The following LTAP1 variants were observed in gnomAD, a reference collection of about 807,000 sequenced individuals.
The protein encoded by LTAP1 is lipid transport auxiliary protein 1, also known as HCV NS5A-transactivated protein 4.
At chr1:154,207,726 G>T in the LTAP1 span, 1 of 1,181,012 alleles carries the variant, frequency 8.5e-7, no homozygotes, top group Non-Finnish European at 1.2e-6. Context: ...GGCCATAAAT[G>T]CAGCAATAGT....
chr1:154,215,295 T>C, the LTAP1 span, among the ~76,000 whole-genome samples: 3 of 151,818 alleles, frequency 2.0e-5, no homozygotes, highest in South Asian at 6.3e-4. Context: ...GGCCGGGTGC[T>C]GTGGCTCACG....
At chr1:154,209,210 G>A in the LTAP1 span, among the ~76,000 whole-genome samples, 1 of 151,788 alleles carries the variant, frequency 6.6e-6, no homozygotes, top group African/African-American at 2.4e-5. Flanking sequence ...TATACCCAGT[G>A]AACAACTCCC....
the LTAP1 span, among the ~76,000 whole-genome samples, chr1:154,215,330 GC>G: frequency 6.6e-6 from 1 of 152,100 alleles, no homozygotes; most frequent in Non-Finnish European, 1.5e-5. Flanking sequence ...ACTTTGGGAG[GC>G]CGAGGTGGGT....
the LTAP1 span, chr1:154,219,959 TC>T: frequency 6.5e-7 from 1 of 1,544,102 alleles, no homozygotes; most frequent in African/African-American, 1.4e-5. Context: ...GATGTAAAAA[TC>T]CTTTAATAAA....
At chr1:154,210,587 C>T in the LTAP1 span, among the ~76,000 whole-genome samples, 2 of 151,910 alleles carry the variant, frequency 1.3e-5, no homozygotes, top group East Asian at 3.9e-4. Context: ...AAGCGATTCT[C>T]CTGCCTCACC....
At chr1:154,210,032 G>A in the LTAP1 span, among the ~76,000 whole-genome samples, 1 of 151,790 alleles carries the variant, frequency 6.6e-6, no homozygotes, top group Non-Finnish European at 1.5e-5. Context: ...GGCCTTCTAA[G>A]CAGTTTTTAC....
chr1:154,220,080 GT>G, the LTAP1 span: 2 of 776,816 alleles, frequency 2.6e-6, no homozygotes, highest in Non-Finnish European at 4.1e-6. Context: ...AAGCAAGGCC[GT>G]TATGATGGGG....
chr1:154,212,512 T>C, the LTAP1 span: 59 of 1,614,032 alleles, frequency 3.7e-5, no homozygotes, highest in Non-Finnish European at 4.8e-5. Flanking sequence ...CAATGAGTGC[T>C]TTGCGTACAC....
At chr1:154,217,036 G>A in the LTAP1 span, among the ~76,000 whole-genome samples, 2 of 149,808 alleles carry the variant, frequency 1.3e-5, no homozygotes, top group African/African-American at 4.9e-5. Context: ...TGCAACCTCC[G>A]CCGGGGCTCA....
At chr1:154,215,256 T>G in the LTAP1 span, among the ~76,000 whole-genome samples, 5 of 152,012 alleles carry the variant, frequency 3.3e-5, no homozygotes, top group African/African-American at 9.7e-5. Context: ...GTCAAATTCA[T>G]GGTATACAAA....
At chr1:154,207,572 A>C in the LTAP1 span, 1 of 1,614,072 alleles carries the variant, frequency 6.2e-7, no homozygotes, top group Non-Finnish European at 8.5e-7. Context: ...GTTGTTGGGG[A>C]GACCTCAGGG....
the LTAP1 span, chr1:154,212,534 G>A: frequency 1.4e-5 from 22 of 1,614,036 alleles, no homozygotes; most frequent in Admixed American, 3.3e-5. Context: ...CTTGAAAGGC[G>A]TACTAGTGTT....
the LTAP1 span, among the ~76,000 whole-genome samples, chr1:154,215,563 CAAA>C: frequency 2.7e-5 from 3 of 111,528 alleles, no homozygotes; most frequent in Admixed American, 9.3e-5. Context: ...GAGACGTCTC[CAAA>C]AAAAAAAAAA....
At chr1:154,219,559 G>A in the LTAP1 span, among the ~76,000 whole-genome samples, 1 of 152,154 alleles carries the variant, frequency 6.6e-6, no homozygotes, top group Non-Finnish European at 1.5e-5. Context: ...GATGAGCTGG[G>A]AAATATTTTA....
the LTAP1 span, among the ~76,000 whole-genome samples, chr1:154,211,191 G>A: frequency 6.7e-6 from 1 of 148,312 alleles, no homozygotes; most frequent in Non-Finnish European, 1.5e-5. Context: ...TTTCAGTAAA[G>A]ACGAGGTTTC....
At chr1:154,211,780 G>GACAAGAAAAATGCAC in the LTAP1 span, 1 of 154,426 alleles carries the variant, frequency 6.5e-6, no homozygotes. Flanking sequence ...CTAAACAAAA[G>GACAAGAAAAATGCAC]ACAAGAAAAA....
the LTAP1 span, chr1:154,212,476 T>C: frequency 4.3e-6 from 7 of 1,614,184 alleles, no homozygotes; most frequent in Non-Finnish European, 5.9e-6. Context: ...CATAGCGGGC[T>C]GTTTCATAGC....
the LTAP1 span, chr1:154,207,670 T>C: frequency 4.5e-6 from 7 of 1,567,204 alleles, no homozygotes; most frequent in Non-Finnish European, 6.0e-6. Context: ...AGAGGGGAGG[T>C]CATTGACAGA....
the LTAP1 span, among the ~76,000 whole-genome samples, chr1:154,211,062 A>T: frequency 2.6e-5 from 4 of 151,566 alleles, no homozygotes; most frequent in African/African-American, 9.7e-5. Flanking sequence ...GCTGAAGTGC[A>T]ATGGCATGAT....
Sources: allele counts gnomAD v4.1 joint callset (sites outside exome capture counted in the v4.1 genomes callset), GRCh38; gene constraint gnomAD v4.1.1; transcripts MANE v1.5; gene names NCBI Gene and HGNC (gene_info 2026-07-23, HGNC 2026-07-21).